Variants in TG observed in about 807,000 individuals in gnomAD.
TG encodes the protein thyroglobulin.
A neutral mutation model predicts 324.7 loss-of-function variants in TG; 270 were observed. The ratio of observed to expected loss-of-function variants is 0.83; its 90% confidence interval spans 0.75 to 0.92. The LOEUF (loss-of-function observed/expected upper bound fraction) is 0.92, where lower values mean the gene tolerates loss of function less well. Among genes scored for constraint, TG ranks in the 40% least tolerant of loss-of-function variants. The probability of loss-of-function intolerance (pLI) is 0.00; values close to 1 mark genes in which losing one functional copy is unlikely to be tolerated. For synonymous variants in TG, 1,401 were observed against 1,327.0 expected, an observed-to-expected ratio of 1.06 and a Z score of -1.21; for missense variants, 3,591 against 3,456.4, an observed-to-expected ratio of 1.04 and a Z score of -0.98.
chr8:132,918,615 A>G (rs1820709998), intron 20 of TG, among the ~76,000 whole-genome samples: 1 of 152,184 alleles, frequency 6.6e-6, no homozygotes, highest in Non-Finnish European at 1.5e-5. Flanking sequence ...TCTCTGCCAG[A>G]GGGAGGTGGC....
At chr8:133,102,496 C>A (rs1849390460) in intron 43 of TG, 2 of 1,517,716 alleles carry the variant, frequency 1.3e-6, no homozygotes, top group African/African-American at 2.8e-5. Context: ...ACATACCACC[C>A]CAGGCCACCT....
At chr8:132,878,563 T>A (rs1215038104) in intron 5 of TG, among the ~76,000 whole-genome samples, 3 of 147,586 alleles carry the variant, frequency 2.0e-5, no homozygotes, top group Non-Finnish European at 4.5e-5. Flanking sequence ...TGAGCCAAGA[T>A]CGCACCACTG....
In TG at chr8:132,887,000, C is replaced by G. The variant is rs763864684; in HGVS notation, c.1628C>G (p.Thr543Ser). Residue 543 changes from threonine to serine, a missense_variant, in exon 9 of 48, where the codon ACT becomes AGT. By Grantham distance (58) the Thr-to-Ser change is moderately conservative (BLOSUM62 1). Transcript: ENST00000220616. ...GTPEAAKKDG[T>S]MNKPTVGSFG... Reference sequence around the variant, plus strand: ...CCTGAAGCTGCTAAGAAGGATGGTACTATGAATAAGCCAACTGTGGGCAGC... The same window carrying G: ...CCTGAAGCTGCTAAGAAGGATGGTAGTATGAATAAGCCAACTGTGGGCAGC... 162 of 1,614,206 alleles carry G rather than the reference C, an allele frequency of 1.0e-4. 3 individuals carry two copies. The Middle Eastern group carries it at 9.7e-3, about 97-fold the overall frequency.
chr8:132,946,796 G>T (rs1403480), intron 26 of TG, among the ~76,000 whole-genome samples: 2 of 151,932 alleles, frequency 1.3e-5, no homozygotes, highest in African/African-American at 4.8e-5. Context: ...AAGCTAAGCT[G>T]GCAATGTATG....
chr8:133,071,395 G>A (rs372070754), intron 41 of TG, among the ~76,000 whole-genome samples: 1 of 152,296 alleles, frequency 6.6e-6, no homozygotes, highest in East Asian at 1.9e-4. Context: ...CGTGTCCTTA[G>A]GCCTGAGGAA....
intron 41 of TG, among the ~76,000 whole-genome samples, chr8:133,036,544 G>A (rs979428632): frequency 6.6e-6 from 1 of 152,148 alleles, no homozygotes; most frequent in African/African-American, 2.4e-5. Flanking sequence ...ACCCCCCAGA[G>A]TCATACAATC....
intron 41 of TG, chr8:133,076,211 G>C (rs910414045): frequency 1.3e-5 from 2 of 152,196 alleles, no homozygotes; most frequent in Non-Finnish European, 2.9e-5. Context: ...GAGCATCAGA[G>C]ACTTGAGTGA....
At chr8:133,134,352 T>G (rs1470233992) in intron 47 of TG, among the ~76,000 whole-genome samples, 2 of 150,884 alleles carry the variant, frequency 1.3e-5, no homozygotes, top group Non-Finnish European at 3.0e-5. Flanking sequence ...ATGACAGGAG[T>G]TTTTCAGATA....
At chr8:132,971,594 A>G (rs1295085766) in intron 32 of TG, among the ~76,000 whole-genome samples, 200 bp from the exon 33 acceptor site, 4 of 152,190 alleles carry the variant, frequency 2.6e-5, no homozygotes, top group African/African-American at 9.7e-5. Context: ...TATTCCTGAG[A>G]GGAGTAGAAT....
chr8:133,121,773 A>C (rs1851158661), intron 45 of TG, among the ~76,000 whole-genome samples: 1 of 152,222 alleles, frequency 6.6e-6, no homozygotes, highest in African/African-American at 2.4e-5. Flanking sequence ...TAGTGCTAAG[A>C]GTATTCTGTT....
chr8:132,919,370 T>C lies in TG; in HGVS notation c.4379-6T>C. On this transcript the variant is annotated splice_region_variant and splice_polypyrimidine_tract_variant and intron_variant, in intron 20 of 47. Coordinates refer to ENST00000220616, the MANE Select transcript of TG (RefSeq NM_003235.5). ...TTTTTAACATCATTTCTCTGTTTTTTTCTAGTTAAGTGTCCTGAAGGAAGC... is the reference window on the plus strand; with the variant it reads ...TTTTTAACATCATTTCTCTGTTTTTCTCTAGTTAAGTGTCCTGAAGGAAGC... The C allele has an allele frequency of 6.2e-7, 1 of 1,613,808 alleles. No individual in the cohort carries two copies. The highest frequency in any genetic ancestry group is 8.5e-7 in the Non-Finnish European group (1 of 1,179,850).
chr8:132,996,073 A>G (rs1308843295), intron 35 of TG, among the ~76,000 whole-genome samples: 2 of 152,146 alleles, frequency 1.3e-5, no homozygotes, highest in Non-Finnish European at 1.5e-5. Context: ...AGTAGTCTGG[A>G]TGAAGTCCCT....
intron 5 of TG, among the ~76,000 whole-genome samples, chr8:132,873,717 G>A (rs2132064074): frequency 6.6e-6 from 1 of 152,226 alleles, no homozygotes; most frequent in South Asian, 2.1e-4. Context: ...AATTTTTAAA[G>A]AACAAATGAG....
intron 4 of TG, among the ~76,000 whole-genome samples, chr8:132,872,714 C>A (rs1587175751): frequency 6.6e-6 from 1 of 152,088 alleles, no homozygotes; most frequent in Non-Finnish European, 1.5e-5. Flanking sequence ...TATTCTTTAT[C>A]TTTTATACTG....
rs1470282682 is a variant in TG, at chr8:132,884,198, C to T, written c.1075+1199C>T. 2.0e-5 allele frequency among the ~76,000 whole-genome samples: 3 copies of T among 152,346 alleles called. No individual in the cohort carries two copies. The East Asian group carries it at 5.8e-4, about 29-fold the overall frequency. ...ATGACCTTCCTGCCAAATAAGGTCA[C>T]ATTCTGTGGTTCTGGGAAGAGCATG... is the stretch of plus-strand genomic sequence containing the variant. On this transcript the variant is annotated intron_variant, in intron 8 of 47. Transcript: ENST00000220616.
At chr8:133,020,198 G>A (rs1051963982) in intron 39 of TG, among the ~76,000 whole-genome samples, 14 of 152,208 alleles carry the variant, frequency 9.2e-5, no homozygotes, top group Non-Finnish European at 1.9e-4. Context: ...TCCAAAGCCA[G>A]TGCTCTTTCT....
chr8:132,988,434 G>A (rs1831879779), intron 35 of TG, among the ~76,000 whole-genome samples: 2 of 151,948 alleles, frequency 1.3e-5, no homozygotes, highest in African/African-American at 4.8e-5. Flanking sequence ...AAGAGGACCG[G>A]GGCCAAAGCG....
rs754898170 is a variant in TG at position 132,898,800 on chromosome 8, C to T, written c.3220C>T (p.Pro1074Ser). ...ACAAGCACCTCTCTCTCCCACAGGC[C>T]CGACAACCTGCGAGAAATCTCGAAC... ...TARSLQIPQC[P>S]TTCEKSRTSG... The change falls in exon 14 of 48, where the codon CCG (proline) becomes TCG (serine). Residue 1074 changes from proline (P) to serine (S), a missense_variant and splice_region_variant. Coordinates refer to ENST00000220616, the MANE Select transcript of TG (RefSeq NM_003235.5). The T allele has an allele frequency of 6.2e-7, 1 of 1,614,036 alleles. No individual in the cohort carries two copies. Among genetic ancestry groups the T allele is most frequent in the Admixed American group, 1.7e-5 (1 of 60,014 alleles).
At chr8:133,108,496 A>T (rs73708862) in intron 43 of TG, among the ~76,000 whole-genome samples, 4,106 of 152,242 alleles carry the variant, frequency 0.027, 177 homozygotes, top group African/African-American at 0.094. Context: ...GTTTCATCTC[A>T]TCTAACTTCA....
Sources: allele counts gnomAD v4.1 joint callset (sites outside exome capture counted in the v4.1 genomes callset), GRCh38; gene constraint gnomAD v4.1.1; transcripts MANE v1.5; gene names NCBI Gene and HGNC (gene_info 2026-07-23, HGNC 2026-07-21).